The following DOCK3 variants were observed in gnomAD, a reference collection of about 807,000 sequenced individuals.
DOCK3 encodes the protein dedicator of cytokinesis 3.
In DOCK3, 60 loss-of-function variants were observed where a neutral mutation model predicts 265.6. The observed-to-expected ratio is 0.23, with a 90% CI of 0.18 to 0.28. DOCK3 has a LOEUF of 0.28. Ranked by LOEUF, DOCK3 falls within the 10% of genes least tolerant of loss-of-function variation. The pLI is 1.00. For synonymous variants in DOCK3, 881 were observed against 938.0 expected, an observed-to-expected ratio of 0.94 and a Z score of 1.11; for missense variants, 1,981 against 2,594.3, an observed-to-expected ratio of 0.76 and a Z score of 5.14.
At chr3:50,733,817 T>C (rs972229668) in intron 1 of DOCK3, among the ~76,000 whole-genome samples, 1 of 152,154 alleles carries the variant, frequency 6.6e-6, no homozygotes, top group East Asian at 1.9e-4. Context: ...CTGTCTTCCT[T>C]TGTGATTTGA....
chr3:51,269,509 A>G lies in DOCK3; in HGVS notation c.2356-1306A>G, dbSNP rs73834002. Among the ~76,000 whole-genome samples, 1,051 of 152,228 alleles carry G rather than the reference A, an allele frequency of 6.9e-3. 13 individuals carry two copies. The highest frequency in any genetic ancestry group is 0.024 in the African/African-American group (1,004 of 41,530). ...AGATAGAATTCATATAAGTTCTCCA[A>G]TTGGGCCTGGCCTGAATAAAGACCA... On this transcript the variant is annotated intron_variant, in intron 23 of 52. Coordinates refer to ENST00000266037, the MANE Select transcript of DOCK3 (RefSeq NM_004947.5).
chr3:50,949,058 G>A (rs1471070320), intron 5 of DOCK3, among the ~76,000 whole-genome samples: 1 of 152,126 alleles, frequency 6.6e-6, no homozygotes, highest in Non-Finnish European at 1.5e-5. Flanking sequence ...AATGAACCCT[G>A]TTCCTTACCT....
At chr3:51,192,250 A>AT (rs1439958261) in intron 12 of DOCK3, among the ~76,000 whole-genome samples, 1 of 151,046 alleles carries the variant, frequency 6.6e-6, no homozygotes. Flanking sequence ...TTATGTGTTG[A>AT]TTTTTTTGGT....
At chr3:51,199,107 C>T (rs985123870) in intron 12 of DOCK3, among the ~76,000 whole-genome samples, 6 of 152,166 alleles carry the variant, frequency 3.9e-5, no homozygotes, top group Admixed American at 2.0e-4. Context: ...CCAGCGTCAG[C>T]GACACAGAAG....
intron 27 of DOCK3, among the ~76,000 whole-genome samples, chr3:51,287,705 A>T (rs566642674): frequency 6.6e-6 from 1 of 152,372 alleles, no homozygotes; most frequent in African/African-American, 2.4e-5. Flanking sequence ...AAATTAGTCC[A>T]GCCATTATGG....
intron 4 of DOCK3, among the ~76,000 whole-genome samples, chr3:50,908,611 T>C (rs2049676749): frequency 6.6e-6 from 1 of 152,072 alleles, no homozygotes; most frequent in Non-Finnish European, 1.5e-5. Flanking sequence ...TTCTTTTGCA[T>C]TTGCTGAGGT....
chr3:51,218,172 G>T (rs140015744), intron 14 of DOCK3, among the ~76,000 whole-genome samples: 1 of 150,418 alleles, frequency 6.6e-6, no homozygotes, highest in African/African-American at 2.4e-5. Flanking sequence ...AGTGGCTCAC[G>T]CCTATAATCC....
intron 22 of DOCK3, among the ~76,000 whole-genome samples, chr3:51,249,543 A>G (rs2079068274): frequency 1.1e-5 from 1 of 88,210 alleles, no homozygotes; most frequent in Non-Finnish European, 2.4e-5. Context: ...CCGGTCCGGG[A>G]GGGAGGTGGG....
chr3:50,907,024 A>G (rs2049553333), intron 4 of DOCK3, among the ~76,000 whole-genome samples: 1 of 152,072 alleles, frequency 6.6e-6, no homozygotes, highest in South Asian at 2.1e-4. Flanking sequence ...CCCAGTAGTC[A>G]TTCAGGAGCA....
chr3:51,314,961 T>C lies in DOCK3; in HGVS notation c.3254-19T>C, dbSNP rs191055753. 8 of 1,591,554 alleles carry C rather than the reference T, an allele frequency of 5.0e-6. No individual in the cohort carries two copies. In the Admixed American group the frequency reaches 1.2e-4, roughly 24 times the overall value. ...AAGGAGCAAAGCAGGCATAAACTAA[T>C]TTGGGTTTTGTTTTTCAGGTGAACA... is the stretch of plus-strand genomic sequence containing the variant. On this transcript the variant is annotated intron_variant, in intron 31 of 52. Transcript: ENST00000266037.
Position 51,053,078 on chromosome 3 carries a change from G to GATATATATATATAT in DOCK3, c.316-11339_316-11326dup, listed in dbSNP as rs59382660. Among the ~76,000 whole-genome samples, 172 of 43,758 alleles carry GATATATATATATAT rather than the reference G, an allele frequency of 3.9e-3. 9 individuals are homozygous for GATATATATATATAT. Among genetic ancestry groups the GATATATATATATAT allele is most frequent in the Non-Finnish European group, 4.6e-3 (109 of 23,554 alleles). The allele number at this position is 43,758 out of a possible 152,430, so 28.7% of individuals were successfully genotyped here. A position where few individuals can be genotyped will look rare whatever the true frequency, so the allele number is the denominator to read the frequency against. On this transcript the variant is annotated intron_variant, in intron 5 of 52. Transcript: ENST00000266037. ...AGTTTCATCTTTTAAAAAAGTCAAA[G>GATATATATATATAT]ATATATATATATATATATATATATA...
In DOCK3 at chr3:51,361,014, G is replaced by A. The variant is rs1468609316; in HGVS notation, c.5006+382G>A. Among the ~76,000 whole-genome samples, 5 of 152,308 alleles carry A rather than the reference G, an allele frequency of 3.3e-5. No homozygotes were observed. The highest frequency in any genetic ancestry group is 2.1e-4 in the South Asian group (1 of 4,822). The stretch of plus-strand genomic sequence containing the variant: ...AGTAGAGCCAAGTGGCTGGAGTGCC[G>A]GATTCCAGGGCACGGAAAGGGGATA... On this transcript the variant is annotated intron_variant, in intron 47 of 52. Coordinates refer to ENST00000266037, the MANE Select transcript of DOCK3 (RefSeq NM_004947.5). This position sits in a 1 kb window ranked among gnomAD's most constrained non-coding sequence, Gnocchi z 4.2.
At chr3:51,349,037 TAC>T (rs2085789278) in intron 39 of DOCK3, 99 bp downstream of exon 39, 2 of 1,182,034 alleles carry the variant, frequency 1.7e-6, no homozygotes, top group Non-Finnish European at 2.4e-6. Flanking sequence ...CTGTGGACAA[TAC>T]AAGAGAAACA....
At chr3:50,703,965 G>T (rs1430964993) in intron 1 of DOCK3, among the ~76,000 whole-genome samples, 1 of 151,346 alleles carries the variant, frequency 6.6e-6, no homozygotes, top group Non-Finnish European at 1.5e-5. Flanking sequence ...ATAGATTTAG[G>T]TATTTTATTT....
chr3:51,277,472 G>A (rs1437632471), intron 25 of DOCK3, 136 bp from the exon 26 acceptor site: 14 of 1,176,174 alleles, frequency 1.2e-5, no homozygotes, highest in Non-Finnish European at 1.4e-5. Flanking sequence ...CCTTGACACT[G>A]CATGTTGGTG....
At chr3:51,069,576 A>ATGTG (rs60351768) in intron 6 of DOCK3, among the ~76,000 whole-genome samples, 1 of 150,780 alleles carries the variant, frequency 6.6e-6, no homozygotes, top group Admixed American at 6.6e-5. Context: ...ATGTGTGTAT[A>ATGTG]TGTGTGTGTG....
chr3:50,977,420 T>G (rs1486730212), intron 5 of DOCK3, among the ~76,000 whole-genome samples: 1 of 152,170 alleles, frequency 6.6e-6, no homozygotes, highest in African/African-American at 2.4e-5. Flanking sequence ...TTTGGCTGGA[T>G]ATGAAATTCT....
At chr3:51,018,831 T>A (rs2079467732) in intron 5 of DOCK3, among the ~76,000 whole-genome samples, 2 of 151,976 alleles carry the variant, frequency 1.3e-5, no homozygotes, top group Admixed American at 1.3e-4. Flanking sequence ...AAGTTCCTAT[T>A]CTTCTGTTCA....
chr3:50,896,574 TGAATG>T (rs942909473), intron 4 of DOCK3, among the ~76,000 whole-genome samples: 2 of 152,206 alleles, frequency 1.3e-5, no homozygotes, highest in Admixed American at 1.3e-4. Flanking sequence ...GCCTCTGCCC[TGAATG>T]GTATTGCCTA....
Sources: gnomAD v4.1 joint callset for allele counts (sites outside exome capture counted in the v4.1 genomes callset) on GRCh38, gnomAD v4.1.1 for gene constraint, Gnocchi (gnomAD v3.1) non-coding constraint, MANE v1.5 for transcripts, NCBI Gene and HGNC (gene_info 2026-07-23, HGNC 2026-07-21) for gene names.